BRIP1: variants seen among roughly 807,000 people sequenced by gnomAD.
BRIP1 encodes BRCA1 interacting DNA helicase 1.
In BRIP1, 88 loss-of-function variants were observed where a neutral mutation model predicts 119.7. The ratio of observed to expected loss-of-function variants is 0.74; its 90% CI spans 0.62 to 0.88. The LOEUF (loss-of-function observed/expected upper bound fraction) is 0.88, where lower values mean the gene tolerates loss of function less well. BRIP1 is among the 40% of genes least tolerant of loss of function. The probability of loss-of-function intolerance (pLI) is 0.00; values close to 1 mark genes in which losing one functional copy is unlikely to be tolerated. For missense variants in BRIP1, 1,259 were observed against 1,455.4 expected (o/e 0.87, Z 2.20); for synonymous variants, 443 against 496.5 (o/e 0.89, Z 1.43).
At chr17:61,698,615 T>C (rs532579954) in intron 17 of BRIP1, among the ~76,000 whole-genome samples, 1 of 152,348 alleles carries the variant, frequency 6.6e-6, no homozygotes, top group South Asian at 2.1e-4. Context: ...TACTAAATTA[T>C]TGATTTCTGA....
At chr17:61,711,033 CAA>C (rs11308154) in intron 17 of BRIP1, among the ~76,000 whole-genome samples, 23 of 110,660 alleles carry the variant, frequency 2.1e-4, no homozygotes, top group African/African-American at 3.9e-4. Flanking sequence ...GACTCCATCT[CAA>C]AAAAAAAAAA....
At position 61,861,446 on chromosome 17, in the gene BRIP1, C is replaced by A. The variant is rs587782047; in HGVS notation, c.93+1G>T. 1 of 1,601,748 alleles carries A rather than the reference C, an allele frequency of 6.2e-7. No homozygotes were observed. The highest frequency in any genetic ancestry group is 8.6e-7 in the Non-Finnish European group (1 of 1,168,980). ...AAACTTAACTGCTGAAAAATACTTA[C>A]AGAATTCATCATAGCAAGCTGTGAC... On this transcript the variant is annotated splice_donor_variant, in intron 2 of 19. Coordinates refer to ENST00000259008, the MANE Select transcript of BRIP1 (RefSeq NM_032043.3). LOFTEE classifies it high-confidence loss of function. The surrounding 1 kb of genome is among the most constrained non-coding windows in gnomAD (Gnocchi z 4.5).
chr17:61,742,655 A>C lies in BRIP1; in HGVS notation c.2379+358T>G, dbSNP rs954066057. Reference sequence around the variant, plus strand: ...GTAGTCAGTGGAGCAGTTAGAATACATACATCACTTATGAATTACGTTTGC... The same window carrying C: ...GTAGTCAGTGGAGCAGTTAGAATACCTACATCACTTATGAATTACGTTTGC... On this transcript the variant is annotated intron_variant, in intron 16 of 19. Transcript: ENST00000259008. This position sits in a 1 kb window ranked among gnomAD's most constrained non-coding sequence, Gnocchi z 4.7. Among the ~76,000 whole-genome samples, 10 of 152,226 alleles carry C rather than the reference A, an allele frequency of 6.6e-5. No individual in the cohort carries two copies. The highest frequency in any genetic ancestry group is 2.4e-4 in the African/African-American group (10 of 41,454).
Position 61,693,522 on chromosome 17 carries a change from A to T in BRIP1, c.2493-10T>A, listed in dbSNP as rs776255327. ...TCTGTGTCTAATACATCTAGAAAAA[A>T]TAGGGAAAAAGTCAAATAATTATAA... On this transcript the variant is annotated splice_polypyrimidine_tract_variant and intron_variant, in intron 17 of 19. Transcript: ENST00000259008. The surrounding 1 kb of genome is among the most constrained non-coding windows in gnomAD (Gnocchi z 4.2). The T allele has an allele frequency of 6.3e-7, 1 of 1,598,984 alleles. No homozygotes were observed. Among genetic ancestry groups the T allele is most frequent in the Non-Finnish European group, 8.6e-7 (1 of 1,166,422 alleles).
chr17:61,792,225 C>T (rs540334375), intron 10 of BRIP1, among the ~76,000 whole-genome samples: 3 of 152,272 alleles, frequency 2.0e-5, no homozygotes, highest in Middle Eastern at 3.4e-3. Flanking sequence ...GGACTACAGG[C>T]GCATACCACC....
In BRIP1 at chr17:61,780,470, G is replaced by A; in HGVS notation, c.1795-69C>T. 5.2e-6 allele frequency: 7 copies of A among 1,357,626 alleles called. No homozygotes were observed. The highest frequency in any genetic ancestry group is 7.4e-6 in the Non-Finnish European group (7 of 951,060). The allele number at this position is 1,357,626 out of a possible 1,614,324, so 84.1% of individuals were successfully genotyped here. A position where few individuals can be genotyped will look rare whatever the true frequency, so the allele number is the denominator to read the frequency against. ...AGGCTGGGCAAAGTGGCTCACACCT[G>A]TAATCCCAGCACTTTGGGAGGCTGA... On this transcript the variant is annotated intron_variant, in intron 12 of 19. Coordinates refer to ENST00000259008, the MANE Select transcript of BRIP1 (RefSeq NM_032043.3). The surrounding 1 kb of genome is among the most constrained non-coding windows in gnomAD (Gnocchi z 5.4).
rs149900312 is a variant in BRIP1 at position 61,803,771 on chromosome 17, A to T, written c.919-2297T>A. On this transcript the variant is annotated intron_variant, in intron 7 of 19. Coordinates refer to ENST00000259008, the MANE Select transcript of BRIP1 (RefSeq NM_032043.3). The surrounding 1 kb of genome is among the most constrained non-coding windows in gnomAD (Gnocchi z 4.3). ...AGAAGTATAAAATTCTAGTAGTAGAAGTACATAGGCAATTTGTCAAAAAAC... is the reference window on the plus strand; with the variant it reads ...AGAAGTATAAAATTCTAGTAGTAGATGTACATAGGCAATTTGTCAAAAAAC... 6.6e-6 allele frequency among the ~76,000 whole-genome samples: 1 copy of T among 152,312 alleles called. No homozygotes were observed. The highest frequency in any genetic ancestry group is 1.5e-5 in the Non-Finnish European group (1 of 68,012).
Position 61,726,241 on chromosome 17 carries a change from G to C in BRIP1, c.2380-10178C>G, listed in dbSNP as rs2076764765. On this transcript the variant is annotated intron_variant, in intron 16 of 19. Transcript: ENST00000259008. This position sits in a 1 kb window ranked among gnomAD's most constrained non-coding sequence, Gnocchi z 6.2. ...AAGTCTCTTAGCTTTATTGAAGTTG[G>C]AGACTGTGTGCCAACCTTACCTTAG... Among the ~76,000 whole-genome samples, 1 of 152,272 alleles carries C rather than the reference G, an allele frequency of 6.6e-6. No individual in the cohort carries two copies. Among genetic ancestry groups the C allele is most frequent in the African/African-American group, 2.4e-5 (1 of 41,548 alleles).
Position 61,752,240 on chromosome 17 carries a change from A to T in BRIP1, c.2098-7649T>A, listed in dbSNP as rs1448627921. Among the ~76,000 whole-genome samples, 1 of 152,208 alleles carries T rather than the reference A, an allele frequency of 6.6e-6. No homozygotes were observed. The highest frequency in any genetic ancestry group is 1.9e-4 in the East Asian group (1 of 5,206). On this transcript the variant is annotated intron_variant, in intron 14 of 19. Transcript: ENST00000259008. This position sits in a 1 kb window ranked among gnomAD's most constrained non-coding sequence, Gnocchi z 6.2. Reference sequence around the variant, plus strand: ...TTAAACAACATTAGTCTGATTATTAATATGATGAGTTAGAGGAGGGGTTAT... The same window carrying T: ...TTAAACAACATTAGTCTGATTATTATTATGATGAGTTAGAGGAGGGGTTAT...
chr17:61,833,650 G>A (rs2078526395), intron 6 of BRIP1, among the ~76,000 whole-genome samples: 1 of 136,932 alleles, frequency 7.3e-6, no homozygotes, highest in Non-Finnish European at 1.5e-5. Context: ...CAGCCTGGGT[G>A]ACAAAGCAAG....
intron 8 of BRIP1, among the ~76,000 whole-genome samples, chr17:61,800,260 G>A (rs2145320444): frequency 6.6e-6 from 1 of 152,232 alleles, no homozygotes; most frequent in African/African-American, 2.4e-5. Context: ...CAAAGCAATT[G>A]TCAATGAGTT....
At position 61,686,955 on chromosome 17, in the gene BRIP1, TA is replaced by T. The variant is rs2061373298; in HGVS notation, c.2576-791del. 6.6e-6 allele frequency among the ~76,000 whole-genome samples: 1 copy of T among 152,296 alleles called. No homozygotes were observed. On this transcript the variant is annotated intron_variant, in intron 18 of 19. Transcript: ENST00000259008. This position sits in a 1 kb window ranked among gnomAD's most constrained non-coding sequence, Gnocchi z 5.4. Reference sequence around the variant, plus strand: ...ATTAGTTTTAAAAGTCACTATAGGGTAAAAATTTAAGTTCTAGATTTTAAAA... The same window carrying T: ...ATTAGTTTTAAAAGTCACTATAGGGTAAAATTTAAGTTCTAGATTTTAAAA...
At position 61,776,384 on chromosome 17, in the gene BRIP1, A is replaced by G. The variant is rs779183944; in HGVS notation, c.2097+17T>C. 1 of 1,613,548 alleles carries G rather than the reference A, an allele frequency of 6.2e-7. No homozygotes were observed. The highest frequency in any genetic ancestry group is 1.3e-5 in the African/African-American group (1 of 74,936). ...ATGATTATTTAAAGGCAAAAGAAAC[A>G]ATAAATATTCCCTTACCTTGTAAGA... is the stretch of plus-strand genomic sequence containing the variant. On this transcript the variant is annotated intron_variant, in intron 14 of 19. Transcript: ENST00000259008. This position sits in a 1 kb window ranked among gnomAD's most constrained non-coding sequence, Gnocchi z 5.0.
intron 18 of BRIP1, among the ~76,000 whole-genome samples, chr17:61,688,239 C>T (rs760534932): frequency 6.6e-6 from 1 of 152,034 alleles, no homozygotes; most frequent in African/African-American, 2.4e-5. Context: ...TTAGGGAGGC[C>T]GAGGCAGGCA....
rs987685659 is a variant in BRIP1 at position 61,806,860 on chromosome 17, G to A, written c.918+1607C>T. On this transcript the variant is annotated intron_variant, in intron 7 of 19. Coordinates refer to ENST00000259008, the MANE Select transcript of BRIP1 (RefSeq NM_032043.3). The surrounding 1 kb of genome is among the most constrained non-coding windows in gnomAD (Gnocchi z 4.9). ...TTACAAGCATGCGCCACCACGCCCA[G>A]CTAATTTTTTGTATTTTTAGTAGAG... Among the ~76,000 whole-genome samples, 2 of 152,122 alleles carry A rather than the reference G, an allele frequency of 1.3e-5. No homozygotes were observed. Among genetic ancestry groups the A allele is most frequent in the African/African-American group, 2.4e-5 (1 of 41,408 alleles).
Position 61,774,967 on chromosome 17 carries a change from A to G in BRIP1, c.2097+1434T>C, listed in dbSNP as rs1410550172. 1.3e-5 allele frequency among the ~76,000 whole-genome samples: 2 copies of G among 152,230 alleles called. No individual in the cohort carries two copies. Among genetic ancestry groups the G allele is most frequent in the African/African-American group, 4.8e-5 (2 of 41,460 alleles). ...CTGGAAAATATAAAAAGGTTTTAGC[A>G]ATGAAATAAGATTTTGCTTTAATCG... On this transcript the variant is annotated intron_variant, in intron 14 of 19. Transcript: ENST00000259008. This position sits in a 1 kb window ranked among gnomAD's most constrained non-coding sequence, Gnocchi z 5.8.
In BRIP1 at chr17:61,701,305, T is replaced by C. The variant is rs1254005240; in HGVS notation, c.2493-7793A>G. Among the ~76,000 whole-genome samples the C allele has an allele frequency of 6.6e-6, 1 of 152,256 alleles. No homozygotes were observed. Among genetic ancestry groups the C allele is most frequent in the Admixed American group, 6.5e-5 (1 of 15,288 alleles). On this transcript the variant is annotated intron_variant, in intron 17 of 19. Transcript: ENST00000259008. The surrounding 1 kb of genome is among the most constrained non-coding windows in gnomAD (Gnocchi z 5.1). The stretch of plus-strand genomic sequence containing the variant: ...TCTCCCTCTTCAAGGTTTTTTGTTC[T>C]TGTAATTTTTCTAAAATAATCTTGT...
rs1447071996 is a variant in BRIP1, at chr17:61,851,676, C to T, written c.380-2420G>A. On this transcript the variant is annotated intron_variant, in intron 4 of 19. Coordinates refer to ENST00000259008, the MANE Select transcript of BRIP1 (RefSeq NM_032043.3). The surrounding 1 kb of genome is among the most constrained non-coding windows in gnomAD (Gnocchi z 4.6). ...ACTCTATATTTACACACAATAAATCCGTATATTTGGTGGATCAAATCTCTC... is the reference window on the plus strand; with the variant it reads ...ACTCTATATTTACACACAATAAATCTGTATATTTGGTGGATCAAATCTCTC... Among the ~76,000 whole-genome samples the T allele has an allele frequency of 1.3e-5, 2 of 152,092 alleles. No individual in the cohort carries two copies. The highest frequency in any genetic ancestry group is 2.9e-5 in the Non-Finnish European group (2 of 68,012).
chr17:61,731,194 T>C (rs2076839105), intron 16 of BRIP1, among the ~76,000 whole-genome samples: 1 of 152,194 alleles, frequency 6.6e-6, no homozygotes, highest in Admixed American at 6.5e-5. Flanking sequence ...TTCTTCTATA[T>C]CTGTGATGGA....
Sources: allele counts gnomAD v4.1 joint callset (sites outside exome capture counted in the v4.1 genomes callset), GRCh38; gene constraint gnomAD v4.1.1; non-coding constraint Gnocchi (gnomAD v3.1); transcripts MANE v1.5; gene names NCBI Gene and HGNC (gene_info 2026-07-23, HGNC 2026-07-21).